NELL1: variants seen among roughly 807,000 people sequenced by gnomAD.
NELL1 encodes neural EGFL like 1, also known as protein kinase C-binding protein NELL1.
A neutral mutation model predicts 107.4 loss-of-function variants in NELL1; 76 were observed. The observed-to-expected ratio is 0.71, with a 90% CI of 0.59 to 0.86. NELL1 has a LOEUF of 0.86. Ranked by LOEUF, NELL1 falls within the 40% of genes least tolerant of loss-of-function variation. The pLI is 0.00. For missense variants in NELL1, 1,024 were observed against 1,005.5 expected, an observed-to-expected ratio of 1.02 and a Z score of -0.25; for synonymous variants, 353 against 341.2, an observed-to-expected ratio of 1.03 and a Z score of -0.38.
intron 2 of NELL1, among the ~76,000 whole-genome samples, chr11:20,711,879 T>C (rs572514621): frequency 2.8e-4 from 42 of 152,294 alleles, no homozygotes; most frequent in Non-Finnish European, 5.0e-4. Flanking sequence ...CATTTTGCAA[T>C]GAATTTCCCA....
At chr11:21,457,816 A>G (rs1478805461) in intron 15 of NELL1, among the ~76,000 whole-genome samples, 1 of 152,200 alleles carries the variant, frequency 6.6e-6, no homozygotes, top group African/African-American at 2.4e-5. Flanking sequence ...AAAATAAAGA[A>G]GACTGAGAAA....
intron 17 of NELL1, among the ~76,000 whole-genome samples, chr11:21,564,528 C>T (rs997549667): frequency 2.6e-5 from 4 of 151,850 alleles, no homozygotes; most frequent in African/African-American, 9.7e-5. Context: ...ACACTTATAC[C>T]TATACTATTT....
chr11:21,549,247 A>T (rs566490870), intron 16 of NELL1, among the ~76,000 whole-genome samples: 1 of 151,882 alleles, frequency 6.6e-6, no homozygotes, highest in Non-Finnish European at 1.5e-5. Flanking sequence ...AGGACAAATT[A>T]GATCATGAGT....
intron 14 of NELL1, among the ~76,000 whole-genome samples, chr11:21,277,242 A>G (rs199613388): frequency 6.6e-6 from 1 of 151,862 alleles, no homozygotes; most frequent in Non-Finnish European, 1.5e-5. Context: ...GGTGAAGGAT[A>G]TGAACAGACA....
At chr11:21,234,187 C>T (rs1296932207) in intron 14 of NELL1, among the ~76,000 whole-genome samples, 3 of 152,132 alleles carry the variant, frequency 2.0e-5, no homozygotes, top group Non-Finnish European at 2.9e-5. Flanking sequence ...TTGCAGAACC[C>T]AGAGAAAAAT....
At chr11:21,071,385 C>T (rs770852733) in intron 12 of NELL1, among the ~76,000 whole-genome samples, 6 of 152,110 alleles carry the variant, frequency 3.9e-5, no homozygotes, top group Non-Finnish European at 7.4e-5. Flanking sequence ...ATGTCTGGCA[C>T]ATATTGGCCT....
chr11:20,709,293 G>A (rs950093502), intron 2 of NELL1, among the ~76,000 whole-genome samples: 11 of 151,830 alleles, frequency 7.2e-5, no homozygotes, highest in Admixed American at 7.2e-4. Flanking sequence ...TGTTTAATAG[G>A]GTATTCTTTC....
At chr11:21,521,978 T>C (rs1251322344) in intron 15 of NELL1, among the ~76,000 whole-genome samples, 1 of 152,210 alleles carries the variant, frequency 6.6e-6, no homozygotes, top group East Asian at 1.9e-4. Flanking sequence ...TTGTTTGTGT[T>C]CCTTATAAAT....
intron 3 of NELL1, among the ~76,000 whole-genome samples, chr11:20,803,612 T>G (rs187420576): frequency 2.6e-5 from 4 of 152,336 alleles, no homozygotes; most frequent in Admixed American, 1.3e-4. Context: ...GTCTTGCTTT[T>G]CTAGTTCTTT....
At chr11:21,068,756 T>C (rs1310276089) in intron 12 of NELL1, among the ~76,000 whole-genome samples, 1 of 152,158 alleles carries the variant, frequency 6.6e-6, no homozygotes, top group Non-Finnish European at 1.5e-5. Flanking sequence ...GCAGTGTGGC[T>C]AGAGGTGCAT....
chr11:21,075,015 A>G (rs1854101638), intron 12 of NELL1, among the ~76,000 whole-genome samples: 1 of 152,186 alleles, frequency 6.6e-6, no homozygotes, highest in African/African-American at 2.4e-5. Context: ...TGTCAGTTTC[A>G]TTTGACCGAC....
chr11:21,157,045 T>G (rs1373646604), intron 13 of NELL1, among the ~76,000 whole-genome samples: 2 of 151,752 alleles, frequency 1.3e-5, no homozygotes, highest in East Asian at 1.9e-4. Flanking sequence ...GAGGCTGCAG[T>G]GAGCTGAGAT....
chr11:21,534,964 T>A (rs968742375), intron 16 of NELL1, among the ~76,000 whole-genome samples: 19 of 152,300 alleles, frequency 1.2e-4, no homozygotes, highest in African/African-American at 4.6e-4. Context: ...TTCATCTGTG[T>A]ATATGTAAAA....
At chr11:21,562,444 T>A (rs1856871637) in intron 17 of NELL1, among the ~76,000 whole-genome samples, 1 of 152,076 alleles carries the variant, frequency 6.6e-6, no homozygotes, top group African/African-American at 2.4e-5. Context: ...CTACATGTAC[T>A]CATTGCCCAT....
At chr11:21,237,922 A>G (rs1858251138) in intron 14 of NELL1, among the ~76,000 whole-genome samples, 1 of 152,052 alleles carries the variant, frequency 6.6e-6, no homozygotes, top group African/African-American at 2.4e-5. Flanking sequence ...TAACAGCTTT[A>G]AATACCATCT....
intron 11 of NELL1, among the ~76,000 whole-genome samples, chr11:20,948,429 A>G (rs1433684596): frequency 6.6e-6 from 1 of 152,080 alleles, no homozygotes; most frequent in African/African-American, 2.4e-5. Context: ...ACATGTATAC[A>G]ATGTGTAATC....
At chr11:21,391,419 A>T (rs1295340045) in intron 15 of NELL1, among the ~76,000 whole-genome samples, 1 of 151,764 alleles carries the variant, frequency 6.6e-6, no homozygotes, top group African/African-American at 2.4e-5. Context: ...GACTTAAAAA[A>T]ATGTCCCCTA....
chr11:21,545,813 T>G (rs527473230), intron 16 of NELL1, among the ~76,000 whole-genome samples: 2 of 152,112 alleles, frequency 1.3e-5, no homozygotes, highest in African/African-American at 4.8e-5. Flanking sequence ...TTTAGAAGTA[T>G]GATCCTCAGA....
At chr11:20,918,329 T>C (rs1363199433) in intron 6 of NELL1, 75 bp downstream of exon 6, 6 of 900,188 alleles carry the variant, frequency 6.7e-6, no homozygotes, top group African/African-American at 1.7e-5. Context: ...TCTGGAAAGA[T>C]AGACCCAAAT....
Sources: gnomAD v4.1 joint callset for allele counts (sites outside exome capture counted in the v4.1 genomes callset) on GRCh38, gnomAD v4.1.1 for gene constraint, MANE v1.5 for transcripts, NCBI Gene and HGNC (gene_info 2026-07-23, HGNC 2026-07-21) for gene names.